Variants in POF1B observed in about 807,000 individuals in gnomAD.
POF1B encodes protein POF1B.
In POF1B, 53 loss-of-function variants were observed where a neutral mutation model predicts 55.3. That is an observed-to-expected ratio of 0.96 (90% confidence interval 0.77 to 1.20). POF1B has a LOEUF of 1.20. Among genes scored for constraint, POF1B ranks in the 50% most tolerant of loss-of-function variants. The pLI is 0.00. For missense variants in POF1B, 478 were observed against 420.5 expected, an observed-to-expected ratio of 1.14 and a Z score of -1.20; for synonymous variants, 188 against 148.3, an observed-to-expected ratio of 1.27 and a Z score of -1.95.
intron 15 of POF1B, among the ~76,000 whole-genome samples, chrX:85,298,942 G>A (rs1376875846): frequency 9.1e-6 from 1 of 110,058 alleles, no homozygotes; most frequent in Admixed American, 9.7e-5. Context: ...AATGGAAGAC[G>A]ATGTCAGTGA....
intron 2 of POF1B, among the ~76,000 whole-genome samples, chrX:85,371,284 C>T (rs1045015059): frequency 1.8e-5 from 2 of 111,751 alleles, no homozygotes; most frequent in African/African-American, 3.3e-5. Context: ...CTTATTTTTC[C>T]ATACAAACAA....
At chrX:85,328,859 A>C (rs774269699) in intron 7 of POF1B, among the ~76,000 whole-genome samples, 3 of 104,828 alleles carry the variant, frequency 2.9e-5, no homozygotes. Flanking sequence ...ACAAACAAAC[A>C]AAAAAAAAAA....
At chrX:85,338,951 G>C (rs1023092034) in intron 6 of POF1B, among the ~76,000 whole-genome samples, 2 of 111,360 alleles carry the variant, frequency 1.8e-5, no homozygotes, top group Non-Finnish European at 3.8e-5. Context: ...AGCTGAGAAA[G>C]TTTTGGGTAT....
chrX:85,305,495 A>ATGT, intron 13 of POF1B, among the ~76,000 whole-genome samples: 1 of 111,270 alleles, frequency 9.0e-6, no homozygotes, highest in East Asian at 2.8e-4. Flanking sequence ...TGCTTTAGGC[A>ATGT]AGATCATGAA....
At chrX:85,307,512 C>T (rs1932603232) in intron 10 of POF1B, among the ~76,000 whole-genome samples, 1 of 111,506 alleles carries the variant, frequency 9.0e-6, no homozygotes, top group African/African-American at 3.3e-5. Flanking sequence ...TGAAGCACAA[C>T]CCTCTGAAAT....
intron 3 of POF1B, among the ~76,000 whole-genome samples, chrX:85,360,534 T>G (rs1286245171): frequency 7.3e-5 from 6 of 81,740 alleles, no homozygotes; most frequent in African/African-American, 4.3e-4. Flanking sequence ...TATGTATATA[T>G]ATATATATAT....
chrX:85,352,100 T>C (rs960575207), intron 4 of POF1B, among the ~76,000 whole-genome samples: 7 of 110,799 alleles, frequency 6.3e-5, no homozygotes, highest in Non-Finnish European at 1.3e-4. Flanking sequence ...CTAGAAGATG[T>C]CAGCCAATGA....
At chrX:85,372,773 CTA>C (rs200507402) in intron 2 of POF1B, among the ~76,000 whole-genome samples, 3 of 96,766 alleles carry the variant, frequency 3.1e-5, no homozygotes, top group Non-Finnish European at 4.1e-5. Flanking sequence ...ATTATATATA[CTA>C]TATATATATA....
intron 7 of POF1B, among the ~76,000 whole-genome samples, chrX:85,328,513 G>T (rs1468204067): frequency 9.0e-6 from 1 of 111,106 alleles, no homozygotes; most frequent in South Asian, 3.7e-4. Flanking sequence ...TAAACAATTT[G>T]CCTGATATTA....
At chrX:85,366,362 T>C (rs1003060091) in intron 3 of POF1B, among the ~76,000 whole-genome samples, 1 of 111,359 alleles carries the variant, frequency 9.0e-6, no homozygotes, top group South Asian at 3.8e-4. Context: ...TAAACTCAAT[T>C]TTGTATTTGA....
chrX:85,356,674 C>T (rs1017465852), intron 4 of POF1B, among the ~76,000 whole-genome samples: 8 of 111,040 alleles, frequency 7.2e-5, no homozygotes, highest in South Asian at 7.5e-4. Context: ...TTTAATCAGA[C>T]GTTTTAGATG....
intron 9 of POF1B, among the ~76,000 whole-genome samples, chrX:85,312,265 A>G (rs1932719281): frequency 9.0e-6 from 1 of 111,678 alleles, no homozygotes; most frequent in African/African-American, 3.3e-5. Context: ...TATGTCCTGA[A>G]TGGTATTGCC....
At chrX:85,294,837 T>A (rs1932274370) in intron 15 of POF1B, among the ~76,000 whole-genome samples, 2 of 111,844 alleles carry the variant, frequency 1.8e-5, no homozygotes, top group African/African-American at 6.5e-5. Flanking sequence ...TGTGAATCCT[T>A]CTGGTCCTGG....
chrX:85,300,812 A>G (rs1206748323), intron 15 of POF1B, among the ~76,000 whole-genome samples: 1 of 112,002 alleles, frequency 8.9e-6, no homozygotes, highest in Non-Finnish European at 1.9e-5. Flanking sequence ...GTTGTGGCTT[A>G]TGGAATAAAG....
intron 7 of POF1B, among the ~76,000 whole-genome samples, chrX:85,320,442 G>C (rs1932825735): frequency 9.0e-6 from 1 of 110,753 alleles, no homozygotes; most frequent in African/African-American, 3.3e-5. Context: ...ATTGAAAACA[G>C]TGTGTAGAGG....
intron 2 of POF1B, among the ~76,000 whole-genome samples, chrX:85,377,960 A>G (rs1933948510): frequency 8.9e-6 from 1 of 112,132 alleles, no homozygotes; most frequent in Non-Finnish European, 1.9e-5. Flanking sequence ...AGATAATAGT[A>G]ATTGTTTTTA....
intron 15 of POF1B, among the ~76,000 whole-genome samples, chrX:85,299,181 CTTTTTTTTTCT>C (rs1285670118): frequency 1.1e-5 from 1 of 88,631 alleles, no homozygotes; most frequent in African/African-American, 4.5e-5. Context: ...TTAAAACAAT[CTTTTTTTTTCT>C]TTTTTTTTTT....
intron 3 of POF1B, among the ~76,000 whole-genome samples, chrX:85,360,831 C>A (rs760879844): frequency 6.4e-5 from 7 of 109,556 alleles, no homozygotes; most frequent in Non-Finnish European, 1.1e-4. Flanking sequence ...ACACTCCCAC[C>A]AACAATGTAT....
chrX:85,288,113 A>G (rs928737462), intron 15 of POF1B, among the ~76,000 whole-genome samples: 1 of 111,764 alleles, frequency 8.9e-6, no homozygotes, highest in African/African-American at 3.2e-5. Context: ...AATCATTTAA[A>G]GTCTCTGGAA....
Sources: allele counts gnomAD v4.1 joint callset (sites outside exome capture counted in the v4.1 genomes callset), GRCh38; gene constraint gnomAD v4.1.1; transcripts MANE v1.5; gene names NCBI Gene and HGNC (gene_info 2026-07-23, HGNC 2026-07-21).